CSMD1: variants seen among roughly 807,000 people sequenced by gnomAD.
The protein encoded by CSMD1 is CUB and Sushi multiple domains 1.
In CSMD1, 213 loss-of-function variants were observed where a neutral mutation model predicts 417.5. That is an observed-to-expected ratio of 0.51 (90% confidence interval 0.46 to 0.57). CSMD1 has a LOEUF of 0.57. CSMD1 is among the 20% of genes least tolerant of loss of function. CSMD1 has a pLI of 0.00. For missense variants in CSMD1, 6,923 were observed against 4,529.7 expected (o/e 1.53, Z -15.17); for synonymous variants, 2,862 against 1,736.8 (o/e 1.65, Z -16.11).
intron 5 of CSMD1, among the ~76,000 whole-genome samples, chr8:3,926,289 G>A (rs1375892257): frequency 1.3e-5 from 2 of 152,172 alleles, no homozygotes; most frequent in African/African-American, 2.4e-5. Flanking sequence ...TACTCCCCTT[G>A]TGCCATGTAT....
At chr8:4,852,430 C>A (rs1801532977) in intron 1 of CSMD1, among the ~76,000 whole-genome samples, 1 of 152,082 alleles carries the variant, frequency 6.6e-6, no homozygotes, top group African/African-American at 2.4e-5. Context: ...CACTGTCTGC[C>A]CCTTTCACTT....
At chr8:4,668,890 G>C (rs191533155) in intron 1 of CSMD1, among the ~76,000 whole-genome samples, 80 of 152,140 alleles carry the variant, frequency 5.3e-4, no homozygotes, top group African/African-American at 1.8e-3. Context: ...GGTTGAATCT[G>C]TTTCCTCAGA....
intron 26 of CSMD1, among the ~76,000 whole-genome samples, chr8:3,237,337 T>G (rs1056039265): frequency 1.1e-4 from 16 of 151,532 alleles, no homozygotes; most frequent in Non-Finnish European, 1.3e-4. Flanking sequence ...CATGGTGGTG[T>G]GTGTCTGTAA....
chr8:4,388,867 T>C lies in CSMD1; in HGVS notation c.415+31086A>G, dbSNP rs79839598. Among the ~76,000 whole-genome samples the C allele has an allele frequency of 3.0e-3, 460 of 152,300 alleles. 1 individual carries two copies. Among genetic ancestry groups the C allele is most frequent in the African/African-American group, 0.01 (430 of 41,576 alleles). On this transcript the variant is annotated intron_variant, in intron 3 of 69. Coordinates refer to ENST00000635120, the MANE Select transcript of CSMD1 (RefSeq NM_033225.6). Reference sequence around the variant, plus strand: ...TTAAAAACCATTTAAAACTTTGAAATCAGCTGAAACGTCTCCTCTTCATCT... The same window carrying C: ...TTAAAAACCATTTAAAACTTTGAAACCAGCTGAAACGTCTCCTCTTCATCT...
intron 33 of CSMD1, among the ~76,000 whole-genome samples, chr8:3,194,380 G>C (rs761256666): frequency 2.0e-4 from 29 of 148,040 alleles, no homozygotes; most frequent in Non-Finnish European, 3.2e-4. Flanking sequence ...TTTTAGGTCT[G>C]TTTATTTTCA....
At chr8:4,150,851 G>A (rs1015149963) in intron 3 of CSMD1, among the ~76,000 whole-genome samples, 7 of 149,450 alleles carry the variant, frequency 4.7e-5, no homozygotes, top group Non-Finnish European at 1.0e-4. Flanking sequence ...TTAACAATAT[G>A]GATTATAAAT....
At chr8:4,672,900 A>G (rs1280248787) in intron 1 of CSMD1, among the ~76,000 whole-genome samples, 1 of 152,218 alleles carries the variant, frequency 6.6e-6, no homozygotes, top group African/African-American at 2.4e-5. Context: ...ACATGAGACA[A>G]CAAACACATT....
intron 10 of CSMD1, among the ~76,000 whole-genome samples, chr8:3,511,950 G>C (rs1182655213): frequency 6.6e-6 from 1 of 150,698 alleles, no homozygotes; most frequent in African/African-American, 2.4e-5. Flanking sequence ...TTTGGTAAAA[G>C]TTTTCACCTG....
At chr8:3,614,709 TG>T (rs1802052733) in intron 8 of CSMD1, among the ~76,000 whole-genome samples, 1 of 152,206 alleles carries the variant, frequency 6.6e-6, no homozygotes, top group South Asian at 2.1e-4. Flanking sequence ...GGATACAAGA[TG>T]GGCAGTTCCT....
intron 23 of CSMD1, among the ~76,000 whole-genome samples, chr8:3,340,003 A>T (rs1365924011): frequency 2.0e-5 from 3 of 152,244 alleles, no homozygotes; most frequent in African/African-American, 7.2e-5. Flanking sequence ...ATGCCTATTC[A>T]GCAACGTATT....
intron 51 of CSMD1, among the ~76,000 whole-genome samples, chr8:3,024,032 C>T (rs1187985608): frequency 6.6e-6 from 1 of 151,902 alleles, no homozygotes; most frequent in Non-Finnish European, 1.5e-5. Flanking sequence ...GTGTCATGTT[C>T]ATTACTTTTA....
chr8:4,358,678 C>G (rs568956397), intron 3 of CSMD1, among the ~76,000 whole-genome samples: 21 of 152,242 alleles, frequency 1.4e-4, no homozygotes, highest in South Asian at 6.2e-4. Context: ...ATTTTGCATA[C>G]TTTTTCTAAG....
intron 26 of CSMD1, among the ~76,000 whole-genome samples, chr8:3,255,372 G>A (rs770483257): frequency 6.6e-6 from 1 of 152,168 alleles, no homozygotes; most frequent in East Asian, 1.9e-4. Context: ...TGTGTGCTGG[G>A]AGAACCACTA....
At chr8:4,200,218 TG>T (rs879910551) in intron 3 of CSMD1, among the ~76,000 whole-genome samples, 3 of 152,214 alleles carry the variant, frequency 2.0e-5, no homozygotes, top group Non-Finnish European at 4.4e-5. Flanking sequence ...TATGAAATTC[TG>T]GCCAGCATTT....
chr8:4,647,133 T>C (rs979886441), intron 1 of CSMD1, among the ~76,000 whole-genome samples: 1 of 152,112 alleles, frequency 6.6e-6, no homozygotes, highest in Non-Finnish European at 1.5e-5. Context: ...CAAATTTAAA[T>C]GTATAAAAAT....
chr8:4,092,749 A>T (rs1027280244), intron 3 of CSMD1, among the ~76,000 whole-genome samples: 8 of 152,144 alleles, frequency 5.3e-5, no homozygotes, highest in Non-Finnish European at 1.0e-4. Flanking sequence ...CATTTTCTTT[A>T]AATATAACTT....
intron 1 of CSMD1, among the ~76,000 whole-genome samples, chr8:4,962,223 T>A (rs200560429): frequency 1.1e-5 from 1 of 89,358 alleles, no homozygotes; most frequent in African/African-American, 7.9e-5. Context: ...AAACAAATAT[T>A]TGTTGGAGAC....
chr8:4,533,704 G>A (rs1225805003), intron 2 of CSMD1, among the ~76,000 whole-genome samples: 2 of 151,934 alleles, frequency 1.3e-5, no homozygotes, highest in African/African-American at 2.4e-5. Flanking sequence ...GTTTACAAAT[G>A]ACTCACAGAG....
chr8:4,229,819 A>G (rs1198214906), intron 3 of CSMD1, among the ~76,000 whole-genome samples: 1 of 152,158 alleles, frequency 6.6e-6, no homozygotes, highest in Non-Finnish European at 1.5e-5. Flanking sequence ...TCACAAACGT[A>G]TGAATCCCAA....
Sources: allele counts gnomAD v4.1 joint callset (sites outside exome capture counted in the v4.1 genomes callset), GRCh38; gene constraint gnomAD v4.1.1; transcripts MANE v1.5; gene names NCBI Gene and HGNC (gene_info 2026-07-23, HGNC 2026-07-21).